PTPRU: variants seen among roughly 807,000 people sequenced by gnomAD.
PTPRU encodes the protein receptor-type tyrosine-protein phosphatase U.
Under a neutral mutation model 166.3 loss-of-function variants are expected in PTPRU, and 69 were observed. The ratio of observed to expected loss-of-function variants is 0.41; its 90% confidence interval spans 0.34 to 0.51. PTPRU has a LOEUF of 0.51. Ranked by LOEUF, PTPRU falls within the 20% of genes least tolerant of loss-of-function variation. The pLI is 0.09. For missense variants in PTPRU, 1,657 were observed against 2,013.7 expected, an observed-to-expected ratio of 0.82 and a Z score of 3.39; for synonymous variants, 793 against 814.0, an observed-to-expected ratio of 0.97 and a Z score of 0.44.
intron 1 of PTPRU, among the ~76,000 whole-genome samples, chr1:29,241,243 G>A (rs1194364526): frequency 2.0e-5 from 3 of 152,128 alleles, no homozygotes; most frequent in African/African-American, 7.2e-5. Context: ...TGGATGGGTG[G>A]TGTCTCGCTA....
At chr1:29,305,250 G>C (rs1295922342) in intron 17 of PTPRU, 102 bp from the exon 18 acceptor site, 1 of 1,135,380 alleles carries the variant, frequency 8.8e-7, no homozygotes, top group Non-Finnish European at 1.3e-6. Flanking sequence ...TTCCCTGGCT[G>C]CCCTGCCTGT....
At chr1:29,243,289 G>A (rs1457028800) in intron 1 of PTPRU, among the ~76,000 whole-genome samples, 1 of 152,206 alleles carries the variant, frequency 6.6e-6, no homozygotes, top group Non-Finnish European at 1.5e-5. Flanking sequence ...GTCCCAAGCT[G>A]AAGGCTCCCC....
chr1:29,241,442 G>A (rs1227591005), intron 1 of PTPRU, among the ~76,000 whole-genome samples: 1 of 152,034 alleles, frequency 6.6e-6, no homozygotes, highest in Non-Finnish European at 1.5e-5. Context: ...GTGCCTGAGT[G>A]TCTGGTTGTA....
intron 1 of PTPRU, among the ~76,000 whole-genome samples, chr1:29,244,005 A>C (rs1684175135): frequency 6.6e-6 from 1 of 152,156 alleles, no homozygotes; most frequent in African/African-American, 2.4e-5. Context: ...CCAAGATGCA[A>C]ACCACAAGAC....
chr1:29,322,232 C>T (rs1384312053), intron 26 of PTPRU, among the ~76,000 whole-genome samples: 1 of 152,158 alleles, frequency 6.6e-6, no homozygotes, highest in Non-Finnish European at 1.5e-5. Flanking sequence ...CTGATTTGCT[C>T]ATCTGCTCAA....
In PTPRU at chr1:29,260,923, CT is replaced by C; in HGVS notation, c.1144+21del. The C allele has an allele frequency of 4.0e-6, 6 of 1,515,352 alleles. No homozygotes were observed. The highest frequency in any genetic ancestry group is 1.3e-5 in the South Asian group (1 of 77,952). 93.9% of individuals were successfully genotyped at this position (1,515,352 alleles called of 1,614,324 possible). On this transcript the variant is annotated intron_variant, in intron 7 of 29. Coordinates refer to ENST00000373779, the MANE Select transcript of PTPRU (RefSeq NM_133178.4). This position sits in a 1 kb window ranked among gnomAD's most constrained non-coding sequence, Gnocchi z 8.3. ...GCGCAGGTGGGTGCAGCAGCTACCC[CT>C]GGCCTCAGTCTCTGGTGGGCCCAGG...
intron 2 of PTPRU, among the ~76,000 whole-genome samples, 166 bp from the exon 3 acceptor site, chr1:29,258,339 G>A (rs779173764): frequency 4.6e-5 from 7 of 152,160 alleles, no homozygotes; most frequent in Non-Finnish European, 1.0e-4. Flanking sequence ...CAGATGCTAG[G>A]AAGTGAAGGG....
chr1:29,250,549 C>T (rs963066447), intron 1 of PTPRU, among the ~76,000 whole-genome samples: 2 of 152,212 alleles, frequency 1.3e-5, no homozygotes, highest in African/African-American at 4.8e-5. Flanking sequence ...TACTACCTAC[C>T]TTCTGAGTTG....
rs954414997 is a variant in PTPRU at position 29,269,901 on chromosome 1, G to A, written c.1145-5547G>A. On this transcript the variant is annotated intron_variant, in intron 7 of 29. Coordinates refer to ENST00000373779, the MANE Select transcript of PTPRU (RefSeq NM_133178.4). ...TGCTTCATTTGCTTGGTGTTGTTACGTGTGTTATGTTGTTTATAATTATGT... is the reference window on the plus strand; with the variant it reads ...TGCTTCATTTGCTTGGTGTTGTTACATGTGTTATGTTGTTTATAATTATGT... Among the ~76,000 whole-genome samples the A allele has an allele frequency of 4.6e-5, 7 of 152,014 alleles. No homozygotes were observed. In the East Asian group the frequency reaches 5.8e-4, roughly 13 times the overall value.
At chr1:29,304,986 C>T (rs773354185) in intron 17 of PTPRU, 137 bp downstream of exon 17, 118 of 693,334 alleles carry the variant, frequency 1.7e-4, no homozygotes, top group Non-Finnish European at 2.4e-4. Context: ...GCCTACCACA[C>T]GTCACGCCCT....
At chr1:29,287,381 A>G (rs1686402854) in intron 14 of PTPRU, among the ~76,000 whole-genome samples, 1 of 151,936 alleles carries the variant, frequency 6.6e-6, no homozygotes, top group Admixed American at 6.6e-5. Flanking sequence ...GTTTTGCTCA[A>G]TGCTTGCCTC....
At chr1:29,321,743 A>C (rs1688170597) in intron 26 of PTPRU, among the ~76,000 whole-genome samples, 1 of 152,206 alleles carries the variant, frequency 6.6e-6, no homozygotes, top group Non-Finnish European at 1.5e-5. Context: ...TCAGGTGTGC[A>C]TAGGATATGT....
intron 2 of PTPRU, among the ~76,000 whole-genome samples, chr1:29,255,949 T>G (rs1684756243): frequency 6.6e-6 from 1 of 152,110 alleles, no homozygotes; most frequent in Non-Finnish European, 1.5e-5. Flanking sequence ...GGACTGGGAG[T>G]CAGGAGACTA....
Position 29,315,573 on chromosome 1 carries a change from C to A in PTPRU, c.3363+66C>A. The A allele has an allele frequency of 6.2e-7, 1 of 1,600,982 alleles. No homozygotes were observed. The highest frequency in any genetic ancestry group is 8.5e-7 in the Non-Finnish European group (1 of 1,171,128). On this transcript the variant is annotated intron_variant, in intron 23 of 29. Coordinates refer to ENST00000373779, the MANE Select transcript of PTPRU (RefSeq NM_133178.4). This position sits in a 1 kb window ranked among gnomAD's most constrained non-coding sequence, Gnocchi z 4.5. ...GGACTGGAGTTTCTCGTGAAGGATC[C>A]TGGAGCCGGCAGAGCATGCCCAAAG...
At chr1:29,270,638 A>T (rs80031583) in intron 7 of PTPRU, among the ~76,000 whole-genome samples, 3,939 of 152,230 alleles carry the variant, frequency 0.026, 161 homozygotes, top group African/African-American at 0.089. Flanking sequence ...TGACATCAAC[A>T]TTCAAAGGGG....
intron 11 of PTPRU, 152 bp from the exon 12 acceptor site, chr1:29,282,524 A>C (rs1466345945): frequency 8.9e-6 from 9 of 1,007,870 alleles, no homozygotes; most frequent in Non-Finnish European, 1.1e-5. Flanking sequence ...AGGCCCAGGG[A>C]GGTTAGGGGA....
chr1:29,267,482 AG>A (rs1412087787), intron 7 of PTPRU, among the ~76,000 whole-genome samples: 16 of 152,144 alleles, frequency 1.1e-4, no homozygotes, highest in Non-Finnish European at 1.8e-4. Context: ...ATTTGAGCAG[AG>A]ATCTGAAGGA....
chr1:29,321,545 C>T (rs768388289), intron 26 of PTPRU, among the ~76,000 whole-genome samples: 9 of 152,220 alleles, frequency 5.9e-5, no homozygotes, highest in Non-Finnish European at 1.2e-4. Context: ...AGAGCTTCTG[C>T]TCTTTTAGTC....
chr1:29,253,699 C>T (rs1052775402), intron 1 of PTPRU, among the ~76,000 whole-genome samples: 4 of 151,876 alleles, frequency 2.6e-5, no homozygotes, highest in African/African-American at 9.7e-5. Flanking sequence ...TCTCCCTCTT[C>T]TTCTTGAGAT....
Sources: allele counts gnomAD v4.1 joint callset (sites outside exome capture counted in the v4.1 genomes callset), GRCh38; gene constraint gnomAD v4.1.1; non-coding constraint Gnocchi (gnomAD v3.1); transcripts MANE v1.5; gene names NCBI Gene and HGNC (gene_info 2026-07-23, HGNC 2026-07-21).